ATP8B4: variants seen among roughly 807,000 people sequenced by gnomAD.
ATP8B4 encodes the protein ATPase phospholipid transporting 8B4 (putative), also known as probable phospholipid-transporting ATPase IM.
In ATP8B4, 133 loss-of-function variants were observed where a neutral mutation model predicts 145.6. The observed-to-expected ratio is 0.91, with a 90% confidence interval of 0.79 to 1.05. The LOEUF (loss-of-function observed/expected upper bound fraction) is 1.05. Among genes scored for constraint, ATP8B4 ranks in the 50% least tolerant of loss-of-function variants. The pLI, the probability that ATP8B4 is intolerant of heterozygous loss-of-function variation, is 0.00. For missense variants in ATP8B4, 1,458 were observed against 1,425.2 expected (o/e 1.02, Z -0.37); for synonymous variants, 507 against 492.9 (o/e 1.03, Z -0.38).
chr15:50,002,694 G>T (rs2047992414), intron 7 of ATP8B4, among the ~76,000 whole-genome samples: 1 of 151,940 alleles, frequency 6.6e-6, no homozygotes, highest in Non-Finnish European at 1.5e-5. Context: ...AATAAGAGGG[G>T]CAAGGAAGTT....
chr15:49,878,126 AT>A (rs1555397146), intron 24 of ATP8B4, among the ~76,000 whole-genome samples: 3 of 151,920 alleles, frequency 2.0e-5, no homozygotes, highest in East Asian at 1.9e-4. Flanking sequence ...GCCTTATTAT[AT>A]TTTTTTTGAA....
At chr15:50,021,157 TA>T in intron 6 of ATP8B4, among the ~76,000 whole-genome samples, 1 of 151,696 alleles carries the variant, frequency 6.6e-6, no homozygotes, top group African/African-American at 2.4e-5. Flanking sequence ...GATAGATAGA[TA>T]GATAGATAGA....
chr15:49,961,843 C>G (rs548869219), intron 14 of ATP8B4, 134 bp downstream of exon 14: 1 of 697,480 alleles, frequency 1.4e-6, no homozygotes, highest in East Asian at 3.1e-5. Flanking sequence ...TCATATTAAT[C>G]TATTTTTTAA....
chr15:50,005,554 T>C (rs1486181279), intron 7 of ATP8B4, among the ~76,000 whole-genome samples: 1 of 152,114 alleles, frequency 6.6e-6, no homozygotes, highest in Non-Finnish European at 1.5e-5. Context: ...GAATAGACTC[T>C]ACCACACCCA....
Position 49,996,697 on chromosome 15 carries a change from C to T in ATP8B4, c.569G>A (p.Ser190Asn). The change falls in exon 9 of 28, where the codon AGC becomes AAC. Residue 190 changes from serine to asparagine, a missense_variant. By Grantham distance (46) the Ser-to-Asn change is conservative (BLOSUM62 1). Transcript: ENST00000284509. Reference protein sequence around the residue: ...SVTSELGADISRLAGFDGIVV... With the variant: ...SVTSELGADINRLAGFDGIVV... ...CTTACCATCAAACCCTGCAAGTCTG[C>T]TGATATCTGCTCCAAGTTCTGAAGT... is the stretch of plus-strand genomic sequence containing the variant. The T allele has an allele frequency of 1.9e-6, 3 of 1,608,904 alleles. No homozygotes were observed. Among genetic ancestry groups the T allele is most frequent in the Non-Finnish European group, 2.6e-6 (3 of 1,176,262 alleles).
At chr15:50,039,631 C>G (rs1345875184) in intron 5 of ATP8B4, among the ~76,000 whole-genome samples, 1 of 152,180 alleles carries the variant, frequency 6.6e-6, no homozygotes, top group Non-Finnish European at 1.5e-5. Flanking sequence ...GTTATTTCAG[C>G]AAATTAGCCT....
chr15:50,130,701 A>G (rs367657083), intron 1 of ATP8B4, among the ~76,000 whole-genome samples: 1 of 152,058 alleles, frequency 6.6e-6, no homozygotes, highest in East Asian at 1.9e-4. Context: ...GCTTGAACCC[A>G]GGAGGCAGAG....
At chr15:49,993,063 A>T (rs1190608380) in intron 9 of ATP8B4, among the ~76,000 whole-genome samples, 1 of 152,190 alleles carries the variant, frequency 6.6e-6, no homozygotes, top group Non-Finnish European at 1.5e-5. Flanking sequence ...AAAAGGGAGT[A>T]GAAAAAGAAC....
At chr15:50,141,248 C>T (rs1180398326) in intron 1 of ATP8B4, among the ~76,000 whole-genome samples, 3 of 152,036 alleles carry the variant, frequency 2.0e-5, no homozygotes, top group African/African-American at 7.2e-5. Flanking sequence ...GGGCTCTTTT[C>T]CTTTTAAGTG....
chr15:50,158,138 C>T (rs2044451997), intron 1 of ATP8B4, among the ~76,000 whole-genome samples: 1 of 152,200 alleles, frequency 6.6e-6, no homozygotes. Flanking sequence ...GCCTTGGCCT[C>T]CCAAAGTGCC....
At chr15:49,965,220 G>C (rs1036814914) in intron 13 of ATP8B4, among the ~76,000 whole-genome samples, 1 of 152,202 alleles carries the variant, frequency 6.6e-6, no homozygotes, top group Non-Finnish European at 1.5e-5. Context: ...GGTTATAGGG[G>C]TGTGGGTAAC....
chr15:49,997,716 T>C (rs2047545173), intron 8 of ATP8B4, among the ~76,000 whole-genome samples: 1 of 152,090 alleles, frequency 6.6e-6, no homozygotes, highest in Non-Finnish European at 1.5e-5. Flanking sequence ...TAAGAAGGCA[T>C]CCAATCTTAA....
At chr15:50,099,491 C>T (rs981265320) in intron 2 of ATP8B4, among the ~76,000 whole-genome samples, 3 of 152,054 alleles carry the variant, frequency 2.0e-5, no homozygotes, top group Admixed American at 2.0e-4. Flanking sequence ...GCGTGGCCCA[C>T]TCTGGTCTAA....
At chr15:50,047,977 A>G (rs1023879629) in intron 3 of ATP8B4, among the ~76,000 whole-genome samples, 1 of 152,142 alleles carries the variant, frequency 6.6e-6, no homozygotes, top group African/African-American at 2.4e-5. Context: ...AATGGTCCTT[A>G]TTATGAGGAA....
chr15:49,984,261 T>C (rs2046398934), intron 10 of ATP8B4, among the ~76,000 whole-genome samples: 1 of 152,222 alleles, frequency 6.6e-6, no homozygotes, highest in Non-Finnish European at 1.5e-5. Flanking sequence ...CTAAAGTTCT[T>C]GGTCTTTACT....
At chr15:49,888,429 GA>G (rs67247705) in intron 23 of ATP8B4, among the ~76,000 whole-genome samples, 36,122 of 148,914 alleles carry the variant, frequency 0.24, 5,373 homozygotes, top group Middle Eastern at 0.35. Flanking sequence ...TAGAATTGAA[GA>G]AAAAAAAAAT....
At chr15:50,110,130 T>C (rs1595587047) in intron 1 of ATP8B4, among the ~76,000 whole-genome samples, 1 of 152,246 alleles carries the variant, frequency 6.6e-6, no homozygotes, top group African/African-American at 2.4e-5. Flanking sequence ...ACGGTAATTA[T>C]ATAATCACTA....
intron 7 of ATP8B4, among the ~76,000 whole-genome samples, chr15:50,010,006 C>T (rs1198149882): frequency 6.6e-6 from 1 of 152,122 alleles, no homozygotes; most frequent in Non-Finnish European, 1.5e-5. Context: ...AAGACTGTTT[C>T]TGAAAGTGAA....
chr15:50,116,038 C>G (rs1421829655), intron 1 of ATP8B4, among the ~76,000 whole-genome samples: 2 of 152,128 alleles, frequency 1.3e-5, no homozygotes, highest in African/African-American at 2.4e-5. Flanking sequence ...TTTGGGCTGG[C>G]ACAAGAGGAG....
Sources: gnomAD v4.1 joint callset for allele counts (sites outside exome capture counted in the v4.1 genomes callset) on GRCh38, gnomAD v4.1.1 for gene constraint, MANE v1.5 for transcripts, NCBI Gene and HGNC (gene_info 2026-07-23, HGNC 2026-07-21) for gene names.